Variants in TRPV6 observed in about 807,000 individuals in gnomAD.
The protein encoded by TRPV6 is Alu-binding protein with zinc finger domain.
Under a neutral mutation model 79.0 loss-of-function variants are expected in TRPV6, and 39 were observed. The ratio of observed to expected loss-of-function variants is 0.49; its 90% CI spans 0.38 to 0.64. TRPV6 has a LOEUF of 0.64. Ranked by LOEUF, TRPV6 falls within the 30% of genes least tolerant of loss-of-function variation. The pLI is 0.00. For missense variants in TRPV6, 813 were observed against 1,011.1 expected (o/e 0.80, Z 2.66); for synonymous variants, 373 against 391.9 (o/e 0.95, Z 0.57).
At position 142,873,416 on chromosome 7, in the gene TRPV6, G is replaced by A; in HGVS notation, c.1908+32C>T. 6.2e-7 allele frequency: 1 copy of A among 1,609,398 alleles called. No individual in the cohort carries two copies. Among genetic ancestry groups the A allele is most frequent in the Non-Finnish European group, 8.5e-7 (1 of 1,177,216 alleles). On this transcript the variant is annotated intron_variant, in intron 13 of 14. Coordinates refer to ENST00000359396, the MANE Select transcript of TRPV6 (RefSeq NM_018646.6). The surrounding 1 kb of genome is among the most constrained non-coding windows in gnomAD (Gnocchi z 4.8). ...TTCCTTGGTAGGAAGGGGATGACTT[G>A]CCCTAACCCTCCCTGCCACCAGGGG...
At position 142,871,526 on chromosome 7, in the gene TRPV6, G is replaced by T; in HGVS notation, c.*181C>A. On this transcript the variant is annotated 3_prime_UTR_variant, in exon 15 of 15. Coordinates refer to ENST00000359396, the MANE Select transcript of TRPV6 (RefSeq NM_018646.6). ...TGGGCTGGGCTTCCTCTGCCCCAGA[G>T]CTGAAGGAGTAATGCAGGCCTGGAG... 1 of 762,606 alleles carries T rather than the reference G, an allele frequency of 1.3e-6. No homozygotes were observed. The highest frequency in any genetic ancestry group is 2.0e-6 in the Non-Finnish European group (1 of 492,090). The allele number at this position is 762,606 out of a possible 1,614,324, so 47.2% of individuals were successfully genotyped here. A position where few individuals can be genotyped will look rare whatever the true frequency, so the allele number is the denominator to read the frequency against.
rs368219581 is a variant in TRPV6 at position 142,871,775 on chromosome 7, T to C, written c.2230A>G (p.Arg744Gly). 5.0e-6 allele frequency: 8 copies of C among 1,614,008 alleles called. No individual in the cohort carries two copies. The African/African-American group carries it at 9.3e-5, about 19-fold the overall frequency. Residue 744 changes from arginine to glycine, a missense_variant, in exon 15 of 15, where the codon AGG becomes GGG. Transcript: ENST00000359396. ...TTGATTATCCCACGCAGGTCTCTCC[T>C]CAGGGTCCCTTGCCGAAGCCTTTCC...
In TRPV6 at chr7:142,871,361, C is replaced by T. The variant is rs1040384426; in HGVS notation, c.*346G>A. ...TGGGTGCCCTGGGAAGGGCTCTCTCCCCACTTATGACCCTGGGGTGGAGAC... is the reference window on the plus strand; with the variant it reads ...TGGGTGCCCTGGGAAGGGCTCTCTCTCCACTTATGACCCTGGGGTGGAGAC... On this transcript the variant is annotated 3_prime_UTR_variant, in exon 15 of 15. Coordinates refer to ENST00000359396, the MANE Select transcript of TRPV6 (RefSeq NM_018646.6). 1.6e-5 allele frequency: 7 copies of T among 450,734 alleles called. No homozygotes were observed. Among genetic ancestry groups the T allele is most frequent in the Non-Finnish European group, 2.0e-5 (5 of 246,924 alleles). The allele number at this position is 450,734 out of a possible 1,614,324, so 27.9% of individuals were successfully genotyped here.
intron 1 of TRPV6, 50 bp from the exon 2 acceptor site, chr7:142,878,076 G>T: frequency 6.6e-7 from 1 of 1,509,528 alleles, no homozygotes; most frequent in Non-Finnish European, 9.2e-7. Context: ...ATACCTAGTT[G>T]TGGAGGGAGA....
intron 6 of TRPV6, 72 bp downstream of exon 6, chr7:142,876,336 T>C: frequency 6.5e-7 from 1 of 1,539,276 alleles, no homozygotes; most frequent in Non-Finnish European, 8.8e-7. Context: ...TTCACCTCTG[T>C]TTCTCCCAGG....
At chr7:142,876,374 GA>G in intron 6 of TRPV6, 33 bp downstream of exon 6, 6 of 1,601,310 alleles carry the variant, frequency 3.7e-6, no homozygotes, top group Non-Finnish European at 5.1e-6. Context: ...AGGGTCATTA[GA>G]AAGACACCTC....
In TRPV6 at chr7:142,871,770, T is replaced by C. The variant is rs773658819; in HGVS notation, c.2235A>G (p.Arg745=). The change falls in exon 15 of 15, where the codon AGA becomes AGG. Residue 745 remains arginine (R), a synonymous_variant. Coordinates refer to ENST00000359396, the MANE Select transcript of TRPV6 (RefSeq NM_018646.6). ...CCCTGTTGATTATCCCACGCAGGTC[T>C]CTCCTCAGGGTCCCTTGCCGAAGCC... 6.2e-7 allele frequency: 1 copy of C among 1,614,098 alleles called. No individual in the cohort carries two copies. Among genetic ancestry groups the C allele is most frequent in the South Asian group, 1.1e-5 (1 of 91,072 alleles).
chr7:142,875,110 C>G lies in TRPV6; in HGVS notation c.1297G>C (p.Val433Leu). 1 of 1,614,166 alleles carries G rather than the reference C, an allele frequency of 6.2e-7. No individual in the cohort carries two copies. The highest frequency in any genetic ancestry group is 8.5e-7 in the Non-Finnish European group (1 of 1,180,034). ...AGCAGGATGATGATAGCCCCAATGA[C>G]AGTCACCAGCTCCCCGACCAGCCGG... The change falls in exon 9 of 15, where the codon GTC (valine) becomes CTC (leucine). Residue 433 changes from valine to leucine, a missense_variant. By Grantham distance (32) the Val-to-Leu change is conservative. Around this residue, in one of 3 missense-constraint regions of TRPV6, gnomAD observed 555 missense variants for 631.0 expected, o/e 0.88. Transcript: ENST00000359396.
intron 10 of TRPV6, 46 bp downstream of exon 10, chr7:142,874,858 G>A (rs187907298): frequency 1.9e-6 from 3 of 1,609,232 alleles, no homozygotes; most frequent in African/African-American, 1.3e-5. Context: ...AGTGGAACTG[G>A]AGCCCTGTTG....
At position 142,874,250 on chromosome 7, in the gene TRPV6, G is replaced by A. The variant is rs1187530597; in HGVS notation, c.1573-108C>T. ...ACAAGTCTCACAGCTCCACCCTCTG[G>A]GACAGGGATTGGCTATCTATGGCCT... On this transcript the variant is annotated intron_variant, in intron 11 of 14. Coordinates refer to ENST00000359396, the MANE Select transcript of TRPV6 (RefSeq NM_018646.6). 3 of 1,326,088 alleles carry A rather than the reference G, an allele frequency of 2.3e-6. No individual in the cohort carries two copies. In the Admixed American group the frequency reaches 5.8e-5, roughly 26 times the overall value. The allele number at this position is 1,326,088 out of a possible 1,614,324, so 82.1% of individuals were successfully genotyped here. A position where few individuals can be genotyped will look rare whatever the true frequency, so the allele number is the denominator to read the frequency against.
chr7:142,877,114 C>G, intron 4 of TRPV6, 28 bp downstream of exon 4: 1 of 1,601,626 alleles, frequency 6.2e-7, no homozygotes, highest in African/African-American at 1.3e-5. Flanking sequence ...TCCAACTGCC[C>G]GTCCTCCAAG....
At position 142,873,604 on chromosome 7, in the gene TRPV6, T is replaced by A. The variant is rs751809881; in HGVS notation, c.1752A>T (p.Pro584=). 6.2e-7 allele frequency: 1 copy of A among 1,614,196 alleles called. No homozygotes were observed. Among genetic ancestry groups the A allele is most frequent in the South Asian group, 1.1e-5 (1 of 91,074 alleles). The change falls in exon 13 of 15, where the codon CCA becomes CCT. Residue 584 remains proline (P), a synonymous_variant. Transcript: ENST00000359396. This position sits in a 1 kb window ranked among gnomAD's most constrained non-coding sequence, Gnocchi z 4.8. ...AGGGCAGGTCCACGTTGTAGTTGGCTGGGCCATCGATGATGGTAAGGAACA... is the reference window on the plus strand; with the variant it reads ...AGGGCAGGTCCACGTTGTAGTTGGCAGGGCCATCGATGATGGTAAGGAACA...
At chr7:142,876,995 G>T in intron 4 of TRPV6, 147 bp downstream of exon 4, 1 of 1,433,656 alleles carries the variant, frequency 7.0e-7, no homozygotes, top group Non-Finnish European at 9.4e-7. Context: ...GGGTAAATTG[G>T]CCTCTAGTCT....
chr7:142,875,511 G>C lies in TRPV6; in HGVS notation c.1199C>G (p.Thr400Arg). The C allele has an allele frequency of 6.2e-7, 1 of 1,606,012 alleles. No individual in the cohort carries two copies. The highest frequency in any genetic ancestry group is 8.5e-7 in the Non-Finnish European group (1 of 1,177,128). ...TAAGAGGGTGTTGTCCCGGGGGCTC[G>C]TGCGGTTATTGGTCCTGGGCTTGAG... Residue 400 changes from threonine (T) to arginine (R), a missense_variant, in exon 8 of 15, where the codon ACG (threonine) becomes AGG (arginine). By Grantham distance (71) the Thr-to-Arg change is moderately conservative. Coordinates refer to ENST00000359396, the MANE Select transcript of TRPV6 (RefSeq NM_018646.6).
chr7:142,871,847 G>A lies in TRPV6; in HGVS notation c.2158C>T (p.Pro720Ser), dbSNP rs773644051. The A allele has an allele frequency of 1.2e-6, 2 of 1,614,110 alleles. No individual in the cohort carries two copies. The highest frequency in any genetic ancestry group is 2.2e-5 in the East Asian group (1 of 44,888). Residue 720 changes from proline (P) to serine (S), a missense_variant, in exon 15 of 15, where the codon CCT becomes TCT. By Grantham distance (74) the Pro-to-Ser change is moderately conservative. Transcript: ENST00000359396. ...GTACTTCGAGACACTGAGGGCATAG[G>A]AAGGGACAGGTGGGGGCTGAAGGGA...
rs200569128 is a variant in TRPV6 at position 142,875,609 on chromosome 7, C to T, written c.1101G>A (p.Pro367=). 6.5e-5 allele frequency: 105 copies of T among 1,613,766 alleles called. No homozygotes were observed. The highest frequency in any genetic ancestry group is 2.9e-4 in the African/African-American group (22 of 74,964). The stretch of plus-strand genomic sequence containing the variant: ...ATATGGCACCCAGCATGCAGAAGTA[C>T]GGCCGCCCGTACCGCTTCCACTTGA... Residue 367 remains proline, a synonymous_variant, in exon 8 of 15, where the codon CCG becomes CCA. Transcript: ENST00000359396.
rs1368512328 is a variant in TRPV6, at chr7:142,873,071, C to T, written c.1908+377G>A. Among the ~76,000 whole-genome samples the T allele has an allele frequency of 5.3e-5, 8 of 152,300 alleles. No individual in the cohort carries two copies. Among genetic ancestry groups the T allele is most frequent in the African/African-American group, 1.7e-4 (7 of 41,566 alleles). ...GGTGGCATTACTTTTTTAACACATC[C>T]TGCTTTCCATATCAAATTTTGCAGA... On this transcript the variant is annotated intron_variant, in intron 13 of 14. Coordinates refer to ENST00000359396, the MANE Select transcript of TRPV6 (RefSeq NM_018646.6). This position sits in a 1 kb window ranked among gnomAD's most constrained non-coding sequence, Gnocchi z 4.8.
rs527898554 is a variant in TRPV6, at chr7:142,877,957, C to T, written c.318G>A (p.Lys106=). 2 of 1,614,228 alleles carry T rather than the reference C, an allele frequency of 1.2e-6. No homozygotes were observed. Among genetic ancestry groups the T allele is most frequent in the African/African-American group, 2.7e-5 (2 of 75,072 alleles). Residue 106 remains lysine (K), a synonymous_variant, in exon 2 of 15, where the codon AAG becomes AAA. Coordinates refer to ENST00000359396, the MANE Select transcript of TRPV6 (RefSeq NM_018646.6). ...TCTGGTGCACCTTGCAATCCTCATA[C>T]TTGAGCAACTTGTTCAGGGCCTGGA... is the stretch of plus-strand genomic sequence containing the variant.
Position 142,874,506 on chromosome 7 carries a change from G to A in TRPV6, c.1557C>T (p.Thr519=). 6.2e-7 allele frequency: 1 copy of A among 1,614,112 alleles called. No homozygotes were observed. Among genetic ancestry groups the A allele is most frequent in the Non-Finnish European group, 8.5e-7 (1 of 1,180,008 alleles). ...GAGGACTGACCTTCTGAATCATGAT[G>A]GTGAAGGGGCCTAGCATCTGGAATC... Residue 519 remains threonine (T), a synonymous_variant, in exon 11 of 15, where the codon ACC becomes ACT. Coordinates refer to ENST00000359396, the MANE Select transcript of TRPV6 (RefSeq NM_018646.6).
Sources: allele counts gnomAD v4.1 joint callset (sites outside exome capture counted in the v4.1 genomes callset), GRCh38; gene constraint gnomAD v4.1.1; regional missense constraint gnomAD v4.1.1; non-coding constraint Gnocchi (gnomAD v3.1); transcripts MANE v1.5; gene names NCBI Gene and HGNC (gene_info 2026-07-23, HGNC 2026-07-21).